Variants in SHLD2 observed in about 807,000 individuals in gnomAD.
The protein encoded by SHLD2 is RINN1-REV7-interacting novel NHEJ regulator 2.
In SHLD2, 30 loss-of-function variants were observed where a neutral mutation model predicts 73.2. The observed-to-expected ratio is 0.41, with a 90% CI of 0.31 to 0.56. The LOEUF is 0.56. SHLD2 is among the 20% of genes least tolerant of loss of function. The pLI, the probability that SHLD2 is intolerant of heterozygous loss-of-function variation, is 0.28. For synonymous variants in SHLD2, 285 were observed against 370.1 expected (o/e 0.77, Z 2.64); for missense variants, 745 against 1,055.9 (o/e 0.71, Z 4.08).
intron 2 of SHLD2, among the ~76,000 whole-genome samples, chr10:87,112,064 C>T (rs1478857361): frequency 8.6e-5 from 13 of 151,258 alleles, no homozygotes; most frequent in African/African-American, 2.2e-4. Flanking sequence ...GGTGAAACCC[C>T]GTCTCTACTA....
chr10:87,110,389 C>G (rs1188486389), intron 2 of SHLD2, among the ~76,000 whole-genome samples: 1 of 152,082 alleles, frequency 6.6e-6, no homozygotes, highest in Non-Finnish European at 1.5e-5. Flanking sequence ...GCGGGCGGAT[C>G]ACAAGGTCAA....
chr10:87,103,307 C>G (rs1049347547), intron 2 of SHLD2, among the ~76,000 whole-genome samples: 6 of 151,966 alleles, frequency 3.9e-5, no homozygotes, highest in African/African-American at 1.5e-4. Flanking sequence ...TTCTCAAGTG[C>G]TAGTTAATAC....
chr10:87,189,435 T>C (rs1848881198), intron 9 of SHLD2, among the ~76,000 whole-genome samples: 1 of 152,284 alleles, frequency 6.6e-6, no homozygotes, highest in Non-Finnish European at 1.5e-5. Flanking sequence ...AATTAGATTG[T>C]GATCATAAGT....
At chr10:87,169,955 CAGCCTTGCAGCTGGAA>C (rs1847475127) in intron 4 of SHLD2, among the ~76,000 whole-genome samples, 1 of 152,206 alleles carries the variant, frequency 6.6e-6, no homozygotes, top group Non-Finnish European at 1.5e-5. Context: ...TAGGACAAGA[CAGCCTTGCAGCTGGAA>C]ATTGGTGAGG....
intron 2 of SHLD2, among the ~76,000 whole-genome samples, chr10:87,103,204 G>A (rs1039364598): frequency 3.3e-5 from 5 of 151,644 alleles, no homozygotes; most frequent in Admixed American, 1.3e-4. Flanking sequence ...GTGAGATTCC[G>A]TCTCAAAAAA....
intron 9 of SHLD2, among the ~76,000 whole-genome samples, chr10:87,189,586 G>C (rs1246192943): frequency 6.6e-6 from 1 of 152,036 alleles, no homozygotes; most frequent in Non-Finnish European, 1.5e-5. Flanking sequence ...ATATGTCATT[G>C]GTCCTCCAGG....
At chr10:87,123,582 A>G (rs1016074096) in intron 2 of SHLD2, among the ~76,000 whole-genome samples, 2 of 152,246 alleles carry the variant, frequency 1.3e-5, no homozygotes, top group African/African-American at 4.8e-5. Flanking sequence ...TTGTTATGCA[A>G]CCATCACCAT....
At chr10:87,160,643 T>G (rs1234644164) in intron 4 of SHLD2, among the ~76,000 whole-genome samples, 1 of 152,090 alleles carries the variant, frequency 6.6e-6, no homozygotes. Flanking sequence ...ATGTCCACTA[T>G]CTCTGCAACT....
chr10:87,115,098 T>TGGA (rs1843159715), intron 2 of SHLD2, among the ~76,000 whole-genome samples: 1 of 152,146 alleles, frequency 6.6e-6, no homozygotes, highest in Non-Finnish European at 1.5e-5. Flanking sequence ...TCGCCCAGGC[T>TGGA]GGAGTGCAGT....
At position 87,096,922 on chromosome 10, in the gene SHLD2, T is replaced by G. The variant is rs900882873; in HGVS notation, c.-61-12T>G. 4.6e-5 allele frequency: 7 copies of G among 152,208 alleles called. No individual in the cohort carries two copies. The highest frequency in any genetic ancestry group is 2.0e-4 in the Admixed American group (3 of 15,284). 9.4% of individuals were successfully genotyped at this position (152,208 alleles called of 1,614,324 possible). ...TCATTGTCATTAATTGTATTTGCAC[T>G]GTGTTTTTCAGTGAAAAATGTACTC... On this transcript the variant is annotated splice_polypyrimidine_tract_variant and intron_variant, in intron 1 of 9. Coordinates refer to ENST00000298786, the MANE Select transcript of SHLD2 (RefSeq NM_001330112.2).
chr10:87,112,599 C>T (rs1182635949), intron 2 of SHLD2, among the ~76,000 whole-genome samples: 3 of 151,736 alleles, frequency 2.0e-5, no homozygotes, highest in African/African-American at 7.3e-5. Flanking sequence ...GGTGCCACTG[C>T]ACTCCAGCCT....
intron 2 of SHLD2, among the ~76,000 whole-genome samples, chr10:87,150,976 C>T (rs1196991428): frequency 6.6e-6 from 1 of 151,900 alleles, no homozygotes; most frequent in African/African-American, 2.4e-5. Flanking sequence ...CAGGCGTGTG[C>T]TACCACGCCC....
At chr10:87,153,147 G>A (rs566255468) in intron 3 of SHLD2, among the ~76,000 whole-genome samples, 3 of 152,174 alleles carry the variant, frequency 2.0e-5, no homozygotes, top group East Asian at 3.9e-4. Flanking sequence ...CCCTAGTCAG[G>A]TGGAGTGGGT....
intron 2 of SHLD2, among the ~76,000 whole-genome samples, chr10:87,134,418 A>G (rs1174476938): frequency 3.3e-5 from 5 of 152,116 alleles, no homozygotes; most frequent in African/African-American, 1.2e-4. Context: ...AACCAGCCAC[A>G]TTTTTTTAAA....
intron 4 of SHLD2, among the ~76,000 whole-genome samples, chr10:87,167,504 T>G (rs1442887889): frequency 6.6e-6 from 1 of 152,174 alleles, no homozygotes; most frequent in Admixed American, 6.5e-5. Flanking sequence ...ATTTTGCAAG[T>G]GGTTACAACT....
chr10:87,143,407 C>T (rs1477539464), intron 2 of SHLD2, among the ~76,000 whole-genome samples: 1 of 152,152 alleles, frequency 6.6e-6, no homozygotes, highest in Non-Finnish European at 1.5e-5. Flanking sequence ...CCCATTGTCT[C>T]ATAGCTTCAT....
At chr10:87,120,271 A>G (rs1843522221) in intron 2 of SHLD2, among the ~76,000 whole-genome samples, 1 of 143,084 alleles carries the variant, frequency 7.0e-6, no homozygotes, top group African/African-American at 2.6e-5. Flanking sequence ...TTTTTGAGAC[A>G]GAGTCTTGCT....
At chr10:87,094,793 G>A, upstream of SHLD2, 2 of 1,516,080 alleles carry the variant, frequency 1.3e-6, no homozygotes. This position sits in a 1 kb window ranked among gnomAD's most constrained non-coding sequence, Gnocchi z 6.6. Context: ...GGGGAGGTGC[G>A]TGATGGTCGC....
At chr10:87,154,816 A>T (rs1846282171) in intron 3 of SHLD2, among the ~76,000 whole-genome samples, 1 of 152,230 alleles carries the variant, frequency 6.6e-6, no homozygotes, top group South Asian at 2.1e-4. Flanking sequence ...TGTGATACAG[A>T]GGAGGTATTT....
Sources: gnomAD v4.1 joint callset for allele counts (sites outside exome capture counted in the v4.1 genomes callset) on GRCh38, gnomAD v4.1.1 for gene constraint, Gnocchi (gnomAD v3.1) non-coding constraint, MANE v1.5 for transcripts, NCBI Gene and HGNC (gene_info 2026-07-23, HGNC 2026-07-21) for gene names.